BMPR2: variants seen among roughly 807,000 people sequenced by gnomAD.
BMPR2 encodes bone morphogenetic protein receptor type-2.
BMPR2 carries 29 observed loss-of-function variants against 100.8 expected under a neutral mutation model. That is an observed-to-expected ratio of 0.29 (90% CI 0.21 to 0.39). The LOEUF is 0.39. Ranked by LOEUF, BMPR2 falls within the 10% of genes least tolerant of loss-of-function variation. BMPR2 has a pLI of 1.00. For missense variants in BMPR2, 1,011 were observed against 1,274.5 expected, an observed-to-expected ratio of 0.79 and a Z score of 3.15; for synonymous variants, 382 against 442.3, an observed-to-expected ratio of 0.86 and a Z score of 1.71.
chr2:202,399,133 A>G (rs1285405819), intron 1 of BMPR2, among the ~76,000 whole-genome samples: 2 of 151,396 alleles, frequency 1.3e-5, no homozygotes, highest in Non-Finnish European at 2.9e-5. Flanking sequence ...TCTCAAGAGA[A>G]AAAAAAAAGA....
At chr2:202,514,798 CTTCTTT>C in intron 4 of BMPR2, 84 bp from the exon 5 acceptor site, 8 of 1,057,456 alleles carry the variant, frequency 7.6e-6, no homozygotes, top group Non-Finnish European at 1.1e-5. Flanking sequence ...TTCTGCAGCT[CTTCTTT>C]TTAAGTGTAA....
rs945335821 is a variant in BMPR2 at position 202,465,950 on chromosome 2, T to C, written c.247+971T>C. ...TTTTTCCATGTCTTTAAAGAATCTC[T>C]GAAAACCTTTTTAACTTTTGCACAA... On this transcript the variant is annotated intron_variant, in intron 2 of 12. Transcript: ENST00000374580. Among the ~76,000 whole-genome samples the C allele has an allele frequency of 2.6e-5, 4 of 152,276 alleles. No homozygotes were observed. In the East Asian group the frequency reaches 7.7e-4, roughly 29 times the overall value.
intron 1 of BMPR2, among the ~76,000 whole-genome samples, chr2:202,457,221 G>A (rs151231329): frequency 6.6e-6 from 1 of 152,136 alleles, no homozygotes; most frequent in Non-Finnish European, 1.5e-5. Flanking sequence ...TAAACCTCAT[G>A]TAATAAGATT....
chr2:202,551,832 G>A (rs964114681), intron 10 of BMPR2, among the ~76,000 whole-genome samples: 8 of 151,484 alleles, frequency 5.3e-5, no homozygotes, highest in African/African-American at 1.9e-4. Context: ...AAGTAGCTGG[G>A]ACTACAGATG....
intron 1 of BMPR2, among the ~76,000 whole-genome samples, chr2:202,431,319 TCTGTTG>T (rs1691499016): frequency 6.6e-6 from 1 of 150,690 alleles, no homozygotes; most frequent in Admixed American, 6.6e-5. Context: ...TTCAAGGTAT[TCTGTTG>T]CTGTTGATGA....
Position 202,566,406 on chromosome 2 carries a change from T to G in BMPR2, c.*6460T>G, listed in dbSNP as rs1410539179. 6.6e-6 allele frequency: 1 copy of G among 152,632 alleles called. No homozygotes were observed. The highest frequency in any genetic ancestry group is 2.4e-5 in the African/African-American group (1 of 41,474). The allele number at this position is 152,632 out of a possible 1,614,324, so 9.5% of individuals were successfully genotyped here. ...TTTCATCTTATTTGACTTTTTCACA[T>G]AGATATAATATCAGATTTCATTAAT... On this transcript the variant is annotated 3_prime_UTR_variant, in exon 13 of 13. Coordinates refer to ENST00000374580, the MANE Select transcript of BMPR2 (RefSeq NM_001204.7).
At chr2:202,527,695 G>A (rs1471061557) in intron 7 of BMPR2, among the ~76,000 whole-genome samples, 2 of 150,794 alleles carry the variant, frequency 1.3e-5, no homozygotes, top group East Asian at 2.0e-4. Flanking sequence ...GCTGAGGCAG[G>A]AGAATGGCGT....
chr2:202,498,653 A>G (rs1693096278), intron 3 of BMPR2, among the ~76,000 whole-genome samples: 1 of 152,204 alleles, frequency 6.6e-6, no homozygotes, highest in African/African-American at 2.4e-5. Context: ...TCAGGCATCA[A>G]CAGGCTCACC....
At chr2:202,515,108 C>A in intron 5 of BMPR2, 129 bp downstream of exon 5, 1 of 934,996 alleles carries the variant, frequency 1.1e-6, no homozygotes, top group Non-Finnish European at 1.7e-6. Flanking sequence ...AATTTTTTGT[C>A]AAGGCCTATT....
intron 1 of BMPR2, among the ~76,000 whole-genome samples, chr2:202,387,786 G>A (rs1212380496): frequency 6.6e-6 from 1 of 152,134 alleles, no homozygotes. Context: ...GTTTCCATGT[G>A]TTCTTAGTGA....
chr2:202,558,577 C>T (rs950047157), intron 12 of BMPR2, among the ~76,000 whole-genome samples: 3 of 152,138 alleles, frequency 2.0e-5, no homozygotes, highest in South Asian at 2.1e-4. Context: ...ACCTTTATTG[C>T]AGGGCTCTGA....
At position 202,551,381 on chromosome 2, in the gene BMPR2, G is replaced by A. The variant is rs1281745097; in HGVS notation, c.1414-1335G>A. On this transcript the variant is annotated intron_variant, in intron 10 of 12. Coordinates refer to ENST00000374580, the MANE Select transcript of BMPR2 (RefSeq NM_001204.7). ...GATACAAAAAAAAAAAAAAACAGCC[G>A]GGCGTGGTGGCAGGCGCCTATAATC... Among the ~76,000 whole-genome samples, 5 of 149,916 alleles carry A rather than the reference G, an allele frequency of 3.3e-5. No individual in the cohort carries two copies. The East Asian group carries it at 7.8e-4, about 23-fold the overall frequency.
In BMPR2 at chr2:202,418,426, CTG is replaced by C. The variant is rs536146978; in HGVS notation, c.76+40878_76+40879del. Among the ~76,000 whole-genome samples, 35 of 152,262 alleles carry C rather than the reference CTG, an allele frequency of 2.3e-4. No homozygotes were observed. In the East Asian group the frequency reaches 6.2e-3, roughly 27 times the overall value. On this transcript the variant is annotated intron_variant, in intron 1 of 12. Coordinates refer to ENST00000374580, the MANE Select transcript of BMPR2 (RefSeq NM_001204.7). ...ATGTGTTGACAAAAAGACTCAAACT[CTG>C]TAAAATATTTGAAGAGATTTATTCT...
At chr2:202,445,120 C>G (rs1399765474) in intron 1 of BMPR2, among the ~76,000 whole-genome samples, 1 of 150,548 alleles carries the variant, frequency 6.6e-6, no homozygotes, top group Non-Finnish European at 1.5e-5. Context: ...AAATATGTGA[C>G]ATACTGGCAA....
At chr2:202,482,202 A>G (rs1301406019) in intron 3 of BMPR2, among the ~76,000 whole-genome samples, 1 of 152,168 alleles carries the variant, frequency 6.6e-6, no homozygotes, top group African/African-American at 2.4e-5. Context: ...TAAATACTAC[A>G]TTTATTCATC....
At chr2:202,485,024 ACT>A (rs1299958882) in intron 3 of BMPR2, among the ~76,000 whole-genome samples, 17 of 150,570 alleles carry the variant, frequency 1.1e-4, no homozygotes, top group African/African-American at 4.1e-4. Flanking sequence ...ATGAGGTCTC[ACT>A]CTTTCACCCA....
At chr2:202,422,876 C>T (rs1322302515) in intron 1 of BMPR2, among the ~76,000 whole-genome samples, 1 of 151,998 alleles carries the variant, frequency 6.6e-6, no homozygotes, top group Non-Finnish European at 1.5e-5. Flanking sequence ...GGGGTTTCAC[C>T]ATTGTTGGCC....
intron 1 of BMPR2, among the ~76,000 whole-genome samples, chr2:202,450,693 A>G (rs1460560519): frequency 7.0e-6 from 1 of 143,156 alleles, no homozygotes; most frequent in Non-Finnish European, 1.5e-5. Flanking sequence ...CTCCATCTCA[A>G]AAAAAAAAAA....
At chr2:202,384,363 G>A (rs1036728708) in intron 1 of BMPR2, among the ~76,000 whole-genome samples, 2 of 152,140 alleles carry the variant, frequency 1.3e-5, no homozygotes, top group African/African-American at 4.8e-5. Context: ...GGTGGACTTG[G>A]TGGAAAAATT....
Sources: gnomAD v4.1 joint callset for allele counts (sites outside exome capture counted in the v4.1 genomes callset) on GRCh38, gnomAD v4.1.1 for gene constraint, MANE v1.5 for transcripts, NCBI Gene and HGNC (gene_info 2026-07-23, HGNC 2026-07-21) for gene names.